Variants in SUCLG2 observed in about 807,000 individuals in gnomAD.
SUCLG2 encodes succinate-CoA ligase GDP-forming subunit beta.
A neutral mutation model predicts 47.9 loss-of-function variants in SUCLG2; 42 were observed. That is an observed-to-expected ratio of 0.88 (90% CI 0.69 to 1.14). The LOEUF (loss-of-function observed/expected upper bound fraction) is 1.14, where lower values mean the gene tolerates loss of function less well. SUCLG2 is among the 50% of genes most tolerant of loss of function. SUCLG2 has a pLI of 0.00. For missense variants in SUCLG2, 571 were observed against 525.9 expected, an observed-to-expected ratio of 1.09 and a Z score of -0.84; for synonymous variants, 195 against 197.3, an observed-to-expected ratio of 0.99 and a Z score of 0.10.
intron 2 of SUCLG2, among the ~76,000 whole-genome samples, chr3:67,604,702 A>G (rs1708490974): frequency 6.6e-6 from 1 of 152,196 alleles, no homozygotes; most frequent in African/African-American, 2.4e-5. Flanking sequence ...CATTTAGGTC[A>G]GGTGTGCCAA....
At chr3:67,436,588 C>T (rs963819683) in intron 9 of SUCLG2, among the ~76,000 whole-genome samples, 3 of 152,124 alleles carry the variant, frequency 2.0e-5, no homozygotes, top group African/African-American at 7.2e-5. Flanking sequence ...AGTCTGTTGC[C>T]TGGATTACTA....
intron 7 of SUCLG2, among the ~76,000 whole-genome samples, chr3:67,505,454 T>A (rs930769252): frequency 6.6e-6 from 1 of 152,206 alleles, no homozygotes; most frequent in Admixed American, 6.5e-5. Context: ...TTGAATCAGA[T>A]TATTAATCAC....
intron 2 of SUCLG2, among the ~76,000 whole-genome samples, chr3:67,579,767 G>A (rs540027149): frequency 4.7e-4 from 71 of 152,248 alleles, no homozygotes; most frequent in African/African-American, 1.6e-3. Flanking sequence ...TAAAGTCCAC[G>A]TCAGATATCA....
intron 1 of SUCLG2, among the ~76,000 whole-genome samples, chr3:67,650,819 G>T (rs1413929850): frequency 2.0e-5 from 3 of 152,168 alleles, no homozygotes; most frequent in Non-Finnish European, 4.4e-5. Flanking sequence ...AGAGCTCCAT[G>T]AACTTCCACT....
At chr3:67,531,339 C>G (rs920648543) in intron 2 of SUCLG2, among the ~76,000 whole-genome samples, 1 of 152,130 alleles carries the variant, frequency 6.6e-6, no homozygotes, top group Admixed American at 6.5e-5. Flanking sequence ...TTTTTCATAT[C>G]CTTGTCATCC....
chr3:67,593,320 A>C (rs935295123), intron 2 of SUCLG2, among the ~76,000 whole-genome samples: 2 of 142,390 alleles, frequency 1.4e-5, no homozygotes, highest in Non-Finnish European at 3.1e-5. Flanking sequence ...TTGGTCTAAC[A>C]CATCCCCAAT....
At chr3:67,634,403 A>C (rs1700975021) in intron 1 of SUCLG2, among the ~76,000 whole-genome samples, 1 of 152,178 alleles carries the variant, frequency 6.6e-6, no homozygotes. Context: ...AATTATATTA[A>C]AATTTAAAAA....
At chr3:67,508,137 T>G (rs990372807) in intron 7 of SUCLG2, among the ~76,000 whole-genome samples, 12 of 152,222 alleles carry the variant, frequency 7.9e-5, no homozygotes, top group African/African-American at 2.9e-4. Context: ...TCCTCCTGCC[T>G]GAAGCAGAAA....
intron 2 of SUCLG2, among the ~76,000 whole-genome samples, chr3:67,558,281 TA>T (rs1193306735): frequency 1.3e-5 from 2 of 150,742 alleles, no homozygotes; most frequent in Non-Finnish European, 2.9e-5. Flanking sequence ...AGAGTAGCCA[TA>T]TGGTGCCTCA....
chr3:67,424,677 A>C (rs144086740), intron 9 of SUCLG2, among the ~76,000 whole-genome samples: 1 of 152,294 alleles, frequency 6.6e-6, no homozygotes, highest in East Asian at 1.9e-4. Context: ...CTGGCAAGTC[A>C]TAAGAGCTCA....
chr3:67,495,347 C>T (rs1705304384), intron 9 of SUCLG2, among the ~76,000 whole-genome samples: 1 of 152,066 alleles, frequency 6.6e-6, no homozygotes, highest in Non-Finnish European at 1.5e-5. Flanking sequence ...TCACGTATTC[C>T]AATGTGATAT....
intron 10 of SUCLG2, among the ~76,000 whole-genome samples, chr3:67,387,147 A>G (rs1702276920): frequency 6.6e-6 from 1 of 152,242 alleles, no homozygotes; most frequent in African/African-American, 2.4e-5. Flanking sequence ...CCTAATATGA[A>G]CATTAAAACA....
chr3:67,550,266 C>A (rs527627896), intron 2 of SUCLG2, among the ~76,000 whole-genome samples: 1 of 152,320 alleles, frequency 6.6e-6, no homozygotes, highest in South Asian at 2.1e-4. Context: ...GGGTGATGCA[C>A]TCTCTTGAGG....
intron 1 of SUCLG2, among the ~76,000 whole-genome samples, chr3:67,630,375 A>T (rs1700904613): frequency 6.6e-6 from 1 of 152,226 alleles, no homozygotes; most frequent in Non-Finnish European, 1.5e-5. Context: ...CAAGGACATT[A>T]AACATAGAAT....
chr3:67,604,990 T>A (rs565234878), intron 2 of SUCLG2, among the ~76,000 whole-genome samples: 2 of 152,218 alleles, frequency 1.3e-5, no homozygotes, highest in Admixed American at 6.5e-5. Flanking sequence ...GTTATTACGA[T>A]GTCTCTGGTC....
intron 10 of SUCLG2, among the ~76,000 whole-genome samples, chr3:67,399,221 C>A (rs1702628014): frequency 6.6e-6 from 1 of 151,612 alleles, no homozygotes; most frequent in Non-Finnish European, 1.5e-5. Flanking sequence ...AAACCTCAAC[C>A]CTTGATTACA....
At chr3:67,370,081 AC>A (rs979886742), downstream of SUCLG2, among the ~76,000 whole-genome samples, 152 of 152,318 alleles carry the variant, frequency 1.0e-3, no homozygotes, top group Middle Eastern at 0.024. Flanking sequence ...CGAATATTTT[AC>A]AAATTTTTTT....
intron 9 of SUCLG2, among the ~76,000 whole-genome samples, chr3:67,479,188 T>C (rs1704844941): frequency 1.3e-5 from 2 of 152,032 alleles, no homozygotes; most frequent in South Asian, 2.1e-4. Context: ...CAAATGGTAG[T>C]TGACATAAAG....
intron 2 of SUCLG2, among the ~76,000 whole-genome samples, chr3:67,571,584 A>G (rs989060238): frequency 6.6e-6 from 1 of 151,702 alleles, no homozygotes; most frequent in Non-Finnish European, 1.5e-5. Flanking sequence ...CATGTATTCC[A>G]CAGAATTATT....
Sources: allele counts gnomAD v4.1 joint callset (sites outside exome capture counted in the v4.1 genomes callset), GRCh38; gene constraint gnomAD v4.1.1; transcripts MANE v1.5; gene names NCBI Gene and HGNC (gene_info 2026-07-23, HGNC 2026-07-21).